PICALM: variants seen among roughly 807,000 people sequenced by gnomAD.
PICALM encodes phosphatidylinositol-binding clathrin assembly protein.
A neutral mutation model predicts 80.5 loss-of-function variants in PICALM; 40 were observed. The observed-to-expected ratio is 0.50, with a 90% CI of 0.39 to 0.65. The LOEUF is 0.65. Ranked by LOEUF, PICALM falls within the 30% of genes least tolerant of loss-of-function variation. The probability of loss-of-function intolerance (pLI) is 0.00; values close to 1 mark genes in which losing one functional copy is unlikely to be tolerated. For missense variants in PICALM, 676 were observed against 778.9 expected (o/e 0.87, Z 1.57); for synonymous variants, 288 against 260.3 (o/e 1.11, Z -1.02).
At chr11:85,993,259 G>A (rs112984201) in intron 12 of PICALM, among the ~76,000 whole-genome samples, 2,098 of 151,958 alleles carry the variant, frequency 0.014, 31 homozygotes, top group Middle Eastern at 0.031. Context: ...GCTATTTTCC[G>A]ATTTTTTTGT....
At chr11:86,033,958 C>T (rs973402870) in intron 1 of PICALM, among the ~76,000 whole-genome samples, 1 of 151,986 alleles carries the variant, frequency 6.6e-6, no homozygotes, top group Non-Finnish European at 1.5e-5. Context: ...AAAGCCGAGC[C>T]CAATACATGT....
intron 19 of PICALM, among the ~76,000 whole-genome samples, chr11:85,964,494 C>T (rs780672771): frequency 1.2e-4 from 18 of 152,238 alleles, no homozygotes; most frequent in Admixed American, 2.6e-4. Context: ...CCTGTACTGC[C>T]GCTTATGGCT....
At chr11:86,061,488 T>C (rs2096365205) in intron 1 of PICALM, among the ~76,000 whole-genome samples, 1 of 151,808 alleles carries the variant, frequency 6.6e-6, no homozygotes, top group Admixed American at 6.6e-5. Context: ...CTAAAGAAGA[T>C]ATAAAGATGG....
intron 1 of PICALM, among the ~76,000 whole-genome samples, chr11:86,033,313 CAT>C (rs1491304452): frequency 2.6e-5 from 4 of 152,210 alleles, no homozygotes; most frequent in Non-Finnish European, 4.4e-5. Context: ...TGTTATAAAA[CAT>C]ATGTGTATGT....
chr11:85,986,087 C>T (rs923240879), intron 13 of PICALM, among the ~76,000 whole-genome samples: 1 of 151,836 alleles, frequency 6.6e-6, no homozygotes, highest in African/African-American at 2.4e-5. Context: ...GAACTTGTAT[C>T]TCAAGTTTTA....
intron 13 of PICALM, among the ~76,000 whole-genome samples, chr11:85,985,572 A>G (rs1367006956): frequency 6.6e-6 from 1 of 152,204 alleles, no homozygotes; most frequent in Admixed American, 6.5e-5. Context: ...CTATTCATCA[A>G]AAGGATCTGA....
At chr11:86,030,493 AC>A (rs949930138) in intron 2 of PICALM, among the ~76,000 whole-genome samples, 1 of 151,634 alleles carries the variant, frequency 6.6e-6, no homozygotes, top group African/African-American at 2.4e-5. Flanking sequence ...TAAGGCACAT[AC>A]CGAAGAAGAT....
intron 1 of PICALM, among the ~76,000 whole-genome samples, chr11:86,049,808 T>C (rs79032067): frequency 0.049 from 7,397 of 149,746 alleles, 300 homozygotes; most frequent in African/African-American, 0.12. Context: ...AATCTGAAGG[T>C]AGATGAACTT....
Position 86,002,584 on chromosome 11 carries a change from T to C in PICALM, c.893+782A>G, listed in dbSNP as rs539719029. ...AAGTGATTAAAATATAAAATATCAA[T>C]AATCAACCCCATGAACTGGCATTAG... On this transcript the variant is annotated intron_variant, in intron 9 of 19. Coordinates refer to ENST00000393346, the MANE Select transcript of PICALM (RefSeq NM_007166.4). Among the ~76,000 whole-genome samples, 7 of 152,324 alleles carry C rather than the reference T, an allele frequency of 4.6e-5. No homozygotes were observed. In the East Asian group the frequency reaches 1.3e-3, roughly 29 times the overall value.
At chr11:85,993,775 T>A (rs1226222268) in intron 12 of PICALM, among the ~76,000 whole-genome samples, 1 of 152,142 alleles carries the variant, frequency 6.6e-6, no homozygotes, top group East Asian at 1.9e-4. Context: ...TAGAGTCATC[T>A]AAAAAAATCC....
intron 1 of PICALM, among the ~76,000 whole-genome samples, chr11:86,056,910 G>A (rs1014052437): frequency 6.6e-6 from 1 of 152,110 alleles, no homozygotes; most frequent in Non-Finnish European, 1.5e-5. Flanking sequence ...AAGAAGCCAG[G>A]CACAAAAGGC....
intron 1 of PICALM, among the ~76,000 whole-genome samples, chr11:86,038,111 G>C (rs1433016679): frequency 6.6e-6 from 1 of 152,226 alleles, no homozygotes; most frequent in African/African-American, 2.4e-5. Flanking sequence ...CTTGAGGTCA[G>C]GAGTTCGAGA....
At chr11:86,035,644 T>C (rs1705109758) in intron 1 of PICALM, among the ~76,000 whole-genome samples, 1 of 152,144 alleles carries the variant, frequency 6.6e-6, no homozygotes, top group Non-Finnish European at 1.5e-5. Flanking sequence ...TTCAGTCATC[T>C]AGAAAACTGG....
rs1424094395 is a variant in PICALM at position 85,996,873 on chromosome 11, G to C, written c.1211C>G (p.Ser404Cys). Reference sequence around the variant, plus strand: ...AGAAGCAGTTGACATAGGATGTACAGATGGGTGAAAAGTTGGCTGCTGCAA... The same window carrying C: ...AGAAGCAGTTGACATAGGATGTACACATGGGTGAAAAGTTGGCTGCTGCAA... ...LDLQQPTFHPSVHPMSTASQV... is the reference protein window; with the variant it reads ...LDLQQPTFHPCVHPMSTASQV... Residue 404 changes from serine (S) to cysteine (C), a missense_variant, in exon 12 of 20, where the codon TCT becomes TGT. Ser to Cys is a moderately radical substitution (Grantham distance 112). Around this residue, in one of 2 missense-constraint regions of PICALM, gnomAD observed 391 missense variants for 383.6 expected, o/e 1.02. Coordinates refer to ENST00000393346, the MANE Select transcript of PICALM (RefSeq NM_007166.4). 1 of 1,612,820 alleles carries C rather than the reference G, an allele frequency of 6.2e-7. No individual in the cohort carries two copies. Among genetic ancestry groups the C allele is most frequent in the Non-Finnish European group, 8.5e-7 (1 of 1,179,248 alleles).
intron 19 of PICALM, chr11:85,960,668 G>C: frequency 8.3e-7 from 1 of 1,197,976 alleles, no homozygotes; most frequent in Non-Finnish European, 1.1e-6. Context: ...AAAACAAGTA[G>C]CAATACCTAA....
chr11:86,003,149 G>A (rs1374125049), intron 9 of PICALM, among the ~76,000 whole-genome samples: 3 of 152,282 alleles, frequency 2.0e-5, no homozygotes, highest in African/African-American at 7.2e-5. Context: ...AACAGATGCT[G>A]ACATTTATTG....
chr11:86,011,394 A>C (rs569940001), intron 6 of PICALM, among the ~76,000 whole-genome samples: 12 of 152,334 alleles, frequency 7.9e-5, no homozygotes, highest in African/African-American at 2.6e-4. Context: ...CAATTACCTA[A>C]GTACATATTT....
At chr11:85,978,929 C>A (rs1476539379) in intron 17 of PICALM, among the ~76,000 whole-genome samples, 2 of 152,048 alleles carry the variant, frequency 1.3e-5, no homozygotes, top group Non-Finnish European at 2.9e-5. Context: ...ATAATTCACA[C>A]GAGTCCATAA....
intron 2 of PICALM, among the ~76,000 whole-genome samples, chr11:86,030,697 G>A (rs1436358160): frequency 6.6e-6 from 1 of 152,202 alleles, no homozygotes; most frequent in Non-Finnish European, 1.5e-5. Context: ...AAAGGCTTCA[G>A]ACACACCTCT....
Sources: allele counts gnomAD v4.1 joint callset (sites outside exome capture counted in the v4.1 genomes callset), GRCh38; gene constraint gnomAD v4.1.1; regional missense constraint gnomAD v4.1.1; transcripts MANE v1.5; gene names NCBI Gene and HGNC (gene_info 2026-07-23, HGNC 2026-07-21).